The following PPP3CB variants were observed in gnomAD, a reference collection of about 807,000 sequenced individuals.
PPP3CB encodes the protein protein phosphatase 3 catalytic subunit beta.
PPP3CB carries 8 observed loss-of-function variants against 66.4 expected under a neutral mutation model. That is an observed-to-expected ratio of 0.12 (90% CI 0.07 to 0.22). The LOEUF is 0.22. Among genes scored for constraint, PPP3CB ranks in the 10% least tolerant of loss-of-function variants. PPP3CB has a pLI of 1.00. For missense variants in PPP3CB, 319 were observed against 642.5 expected, an observed-to-expected ratio of 0.50 and a Z score of 5.44; for synonymous variants, 208 against 221.2, an observed-to-expected ratio of 0.94 and a Z score of 0.53.
rs546092345 is a variant in PPP3CB, at chr10:73,461,762, T to C, written c.1108+5791A>G. The stretch of plus-strand genomic sequence containing the variant: ...TTTGATATATCAGAAGGACATGATA[T>C]TATAGGGACCATGGGCAGAATGATA... On this transcript the variant is annotated intron_variant, in intron 9 of 13. Coordinates refer to ENST00000360663, the MANE Select transcript of PPP3CB (RefSeq NM_021132.4). Among the ~76,000 whole-genome samples, 7 of 152,274 alleles carry C rather than the reference T, an allele frequency of 4.6e-5. No homozygotes were observed. In the East Asian group the frequency reaches 1.2e-3, roughly 25 times the overall value.
chr10:73,451,008 T>C (rs2056336357), intron 10 of PPP3CB, among the ~76,000 whole-genome samples: 1 of 152,138 alleles, frequency 6.6e-6, no homozygotes, highest in South Asian at 2.1e-4. Flanking sequence ...TAAAATTTTA[T>C]ATTTATTTCT....
At chr10:73,480,469 G>A (rs2056856180) in intron 1 of PPP3CB, among the ~76,000 whole-genome samples, 1 of 144,256 alleles carries the variant, frequency 6.9e-6, no homozygotes, top group African/African-American at 2.6e-5. Flanking sequence ...TTTTGAGATG[G>A]AGTCTTGTTC....
intron 1 of PPP3CB, 105 bp from the exon 2 acceptor site, chr10:73,479,622 T>C: frequency 9.3e-7 from 1 of 1,073,660 alleles, no homozygotes. Flanking sequence ...GCAGGGATTT[T>C]TCTTTCTTCT....
intron 9 of PPP3CB, among the ~76,000 whole-genome samples, chr10:73,463,243 GTC>G (rs1211495111): frequency 2.0e-5 from 3 of 152,132 alleles, no homozygotes; most frequent in African/African-American, 4.8e-5. Context: ...CCTTCATTAT[GTC>G]TCTACCTGAC....
chr10:73,487,311 G>A (rs1332404216), intron 1 of PPP3CB, among the ~76,000 whole-genome samples: 2 of 151,976 alleles, frequency 1.3e-5, no homozygotes, highest in Non-Finnish European at 2.9e-5. Context: ...ACTTTGGGAG[G>A]TCAAGGTGGG....
At chr10:73,474,003 T>C (rs955702193) in intron 4 of PPP3CB, among the ~76,000 whole-genome samples, 1 of 152,184 alleles carries the variant, frequency 6.6e-6, no homozygotes, top group African/African-American at 2.4e-5. Flanking sequence ...AATAACATTT[T>C]TTTCTTTTGG....
intron 10 of PPP3CB, among the ~76,000 whole-genome samples, chr10:73,452,570 C>T (rs1206920481): frequency 6.6e-6 from 1 of 151,836 alleles, no homozygotes; most frequent in African/African-American, 2.4e-5. Flanking sequence ...ATGGTGGGCA[C>T]CTGTAATCCC....
At chr10:73,446,364 T>A in intron 11 of PPP3CB, 128 bp downstream of exon 11, 1 of 856,614 alleles carries the variant, frequency 1.2e-6, no homozygotes, top group East Asian at 2.5e-5. Flanking sequence ...CATCCCAAAA[T>A]GCTGAGATTA....
At position 73,438,046 on chromosome 10, in the gene PPP3CB, T is replaced by G. The variant is rs3750574; in HGVS notation, c.*196A>C. 2.0e-6 allele frequency: 1 copy of G among 510,520 alleles called. No homozygotes were observed. The highest frequency in any genetic ancestry group is 3.4e-5 in the East Asian group (1 of 29,364). 31.6% of individuals were successfully genotyped at this position (510,520 alleles called of 1,614,324 possible). Reference sequence around the variant, plus strand: ...TCACTGCTCTCCACCTTGGCAGCGATGACCCAATCTTATCAGATAGCACAT... The same window carrying G: ...TCACTGCTCTCCACCTTGGCAGCGAGGACCCAATCTTATCAGATAGCACAT... On this transcript the variant is annotated 3_prime_UTR_variant, in exon 14 of 14. Transcript: ENST00000360663.
chr10:73,443,094 G>A (rs916453110), intron 12 of PPP3CB, among the ~76,000 whole-genome samples: 2 of 151,768 alleles, frequency 1.3e-5, no homozygotes, highest in African/African-American at 4.8e-5. Flanking sequence ...TAGCTACTTG[G>A]GTGGCTGAAA....
At position 73,436,603 on chromosome 10, in the gene PPP3CB, G is replaced by A. The variant is rs2056076337; in HGVS notation, c.*1639C>T. The A allele has an allele frequency of 6.6e-6, 1 of 152,108 alleles. No homozygotes were observed. Among genetic ancestry groups the A allele is most frequent in the African/African-American group, 2.4e-5 (1 of 41,410 alleles). 9.4% of individuals were successfully genotyped at this position (152,108 alleles called of 1,614,324 possible). ...GGCATTCAAAGTCCTCTAGTGCTCA[G>A]TTACTAATGCTCATGTAAAACAAGT... is the stretch of plus-strand genomic sequence containing the variant. On this transcript the variant is annotated 3_prime_UTR_variant, in exon 14 of 14. Coordinates refer to ENST00000360663, the MANE Select transcript of PPP3CB (RefSeq NM_021132.4).
At chr10:73,462,205 G>A (rs1331180759) in intron 9 of PPP3CB, among the ~76,000 whole-genome samples, 1 of 140,858 alleles carries the variant, frequency 7.1e-6, no homozygotes, top group Non-Finnish European at 1.5e-5. Flanking sequence ...TTGGAGTGCA[G>A]TAGAGTGGAG....
In PPP3CB at chr10:73,474,942, T is replaced by C. The variant is rs1372152615; in HGVS notation, c.500A>G (p.Glu167Gly). 1 of 1,613,938 alleles carries C rather than the reference T, an allele frequency of 6.2e-7. No individual in the cohort carries two copies. The highest frequency in any genetic ancestry group is 1.7e-5 in the Admixed American group (1 of 60,016). The change falls in exon 4 of 14, where the codon GAA (glutamate) becomes GGA (glycine). Residue 167 changes from glutamate (E) to glycine (G), a missense_variant. Around this residue, in one of 5 missense-constraint regions of PPP3CB, gnomAD observed 51 missense variants for 139.6 expected, o/e 0.37. Transcript: ENST00000360663. ...ACATTCCTGCTTAAAGGTAAAATAT[T>C]CAGTAAGGTGTCTGCATTCATGGTT... ...RGNHECRHLTEYFTFKQECKI... is the reference protein window; with the variant it reads ...RGNHECRHLTGYFTFKQECKI...
intron 12 of PPP3CB, 78 bp from the exon 13 acceptor site, chr10:73,439,979 T>C (rs1659662136): frequency 2.8e-6 from 4 of 1,408,448 alleles, no homozygotes; most frequent in Non-Finnish European, 1.0e-6. Flanking sequence ...GAAAAGGCAA[T>C]GATCACTTAA....
Position 73,477,094 on chromosome 10 carries a change from G to C in PPP3CB, c.411+1405C>G, listed in dbSNP as rs1314311130. The C allele has an allele frequency of 4.0e-5, 20 of 502,758 alleles. No individual in the cohort carries two copies. The East Asian group carries it at 1.0e-3, about 26-fold the overall frequency. 31.1% of individuals were successfully genotyped at this position (502,758 alleles called of 1,614,324 possible). ...TGTTTACTAATAATACCTTGGGCAA[G>C]TTACTTAACCTCTCTAAGCCTCAGG... On this transcript the variant is annotated intron_variant, in intron 3 of 13. Coordinates refer to ENST00000360663, the MANE Select transcript of PPP3CB (RefSeq NM_021132.4).
intron 9 of PPP3CB, among the ~76,000 whole-genome samples, chr10:73,455,972 C>T (rs2056421265): frequency 6.6e-6 from 1 of 152,144 alleles, no homozygotes; most frequent in Non-Finnish European, 1.5e-5. Context: ...AACTTCAGAG[C>T]CTGGCACTGT....
intron 10 of PPP3CB, among the ~76,000 whole-genome samples, chr10:73,447,479 C>T (rs537414671): frequency 2.0e-5 from 3 of 152,222 alleles, no homozygotes; most frequent in Non-Finnish European, 4.4e-5. Context: ...AGTGTGGTTC[C>T]TTAGAGCCGT....
chr10:73,473,444 A>C (rs2056734319), intron 4 of PPP3CB, among the ~76,000 whole-genome samples: 1 of 152,160 alleles, frequency 6.6e-6, no homozygotes, highest in South Asian at 2.1e-4. Context: ...ACTTGAGGTC[A>C]GGAGTTAAGA....
chr10:73,454,522 A>G (rs374256719), intron 9 of PPP3CB, 33 bp from the exon 10 acceptor site: 2 of 1,447,306 alleles, frequency 1.4e-6, no homozygotes, highest in Non-Finnish European at 1.9e-6. Context: ...ATGTTAGCTG[A>G]CCATATATAA....
Sources: allele counts gnomAD v4.1 joint callset (sites outside exome capture counted in the v4.1 genomes callset), GRCh38; gene constraint gnomAD v4.1.1; regional missense constraint gnomAD v4.1.1; transcripts MANE v1.5; gene names NCBI Gene and HGNC (gene_info 2026-07-23, HGNC 2026-07-21).